Variants in CABP5 observed in about 807,000 individuals in gnomAD.
The protein encoded by CABP5 is calcium-binding protein 5.
CABP5 carries 17 observed loss-of-function variants against 21.9 expected under a neutral mutation model. The ratio of observed to expected loss-of-function variants is 0.78; its 90% CI spans 0.53 to 1.17. CABP5 has a LOEUF of 1.17. Ranked by LOEUF, CABP5 falls within the 50% of genes most tolerant of loss-of-function variation. The pLI, the probability that CABP5 is intolerant of heterozygous loss-of-function variation, is 0.00. For synonymous variants in CABP5, 85 were observed against 79.4 expected (o/e 1.07, Z -0.37); for missense variants, 229 against 228.9 (o/e 1.00, Z 0.00).
Position 48,039,191 on chromosome 19 carries a change from T to C in CABP5, c.348+17A>G, listed in dbSNP as rs1233236014. The C allele has an allele frequency of 6.3e-7, 1 of 1,592,438 alleles. No individual in the cohort carries two copies. Among genetic ancestry groups the C allele is most frequent in the Non-Finnish European group, 8.6e-7 (1 of 1,160,314 alleles). On this transcript the variant is annotated intron_variant, in intron 4 of 5. Coordinates refer to ENST00000293255, the MANE Select transcript of CABP5 (RefSeq NM_019855.5). ...TCTGCCTCTACCATCACCAGCACCA[T>C]GACACTGTTAACTCACCTCCTTGAA...
rs113299803 is a variant in CABP5, at chr19:48,041,117, C to T, written c.95-369G>A. ...AGAAGAATCGCTTGAACCTGGGAGG[C>T]GGAGGTAGCAGTGAGAGGAGATCGT... On this transcript the variant is annotated intron_variant, in intron 2 of 5. Coordinates refer to ENST00000293255, the MANE Select transcript of CABP5 (RefSeq NM_019855.5). Among the ~76,000 whole-genome samples, 1,241 of 151,980 alleles carry T rather than the reference C, an allele frequency of 8.2e-3. 14 individuals carry two copies. The highest frequency in any genetic ancestry group is 0.028 in the African/African-American group (1,168 of 41,434).
At position 48,041,184 on chromosome 19, in the gene CABP5, T is replaced by C. The variant is rs1435776901; in HGVS notation, c.94+389A>G. On this transcript the variant is annotated intron_variant, in intron 2 of 5. Transcript: ENST00000293255. ...CTGGCAACAAGAGCAAAACTCTGTC[T>C]CAAAAAAGAAAAAAAAATTCAAAAA... 3 of 267,428 alleles carry C rather than the reference T, an allele frequency of 1.1e-5. No individual in the cohort carries two copies. In the East Asian group the frequency reaches 3.3e-4, roughly 29 times the overall value. The allele number at this position is 267,428 out of a possible 1,614,324, so 16.6% of individuals were successfully genotyped here. A position where few individuals can be genotyped will look rare whatever the true frequency, so the allele number is the denominator to read the frequency against.
At chr19:48,039,621 T>A (rs115607136) in intron 3 of CABP5, among the ~76,000 whole-genome samples, 50,870 of 150,018 alleles carry the variant, frequency 0.34, 8,857 homozygotes, top group Middle Eastern at 0.37. Flanking sequence ...AGCATACAAT[T>A]TTTTTTTCAG....
Position 48,030,343 on chromosome 19 carries a change from C to T in CABP5, c.*214G>A, listed in dbSNP as rs578195651. The T allele has an allele frequency of 2.0e-4, 102 of 500,820 alleles. 1 individual carries two copies. In the Admixed American group the frequency reaches 3.8e-3, roughly 19 times the overall value. 31.0% of individuals were successfully genotyped at this position (500,820 alleles called of 1,614,324 possible). On this transcript the variant is annotated 3_prime_UTR_variant, in exon 6 of 6. Coordinates refer to ENST00000293255, the MANE Select transcript of CABP5 (RefSeq NM_019855.5). ...CGCTTCCTATTTCCATCCACAGACTCTTCCTTCTTAATCTAGTTCTGCAGA... is the reference window on the plus strand; with the variant it reads ...CGCTTCCTATTTCCATCCACAGACTTTTCCTTCTTAATCTAGTTCTGCAGA...
chr19:48,040,868 C>A, intron 2 of CABP5, 120 bp from the exon 3 acceptor site: 1 of 734,548 alleles, frequency 1.4e-6, no homozygotes, highest in Admixed American at 3.1e-5. Context: ...ACATTAGAAA[C>A]AAAACAAAAC....
intron 4 of CABP5, among the ~76,000 whole-genome samples, 193 bp from the exon 5 acceptor site, chr19:48,034,555 T>A (rs549108447): frequency 6.6e-6 from 1 of 150,524 alleles, no homozygotes; most frequent in South Asian, 2.1e-4. Context: ...TTTTTTTTTT[T>A]TTTTTTATTT....
At position 48,032,618 on chromosome 19, in the gene CABP5, G is replaced by A. The variant is rs995695362; in HGVS notation, c.496+1597C>T. 3.3e-5 allele frequency among the ~76,000 whole-genome samples: 5 copies of A among 150,050 alleles called. No homozygotes were observed. In the East Asian group the frequency reaches 7.8e-4, roughly 23 times the overall value. ...TGCTAGGATTACAGGTGTGAGCCAC[G>A]CGCCTGGCCTTTTTTTCTTTTTTTC... On this transcript the variant is annotated intron_variant, in intron 5 of 5. Transcript: ENST00000293255.
Position 48,040,687 on chromosome 19 carries a change from A to T in CABP5, c.156T>A (p.Asp52Glu). ...KDRDGFISCK[D>E]LGNLMRTMGY... ...CCATCGTCCTCATGAGATTCCCCAG[A>T]TCCTTACAAGAGATGAACCCATCTC... Residue 52 changes from aspartate (D) to glutamate (E), a missense_variant, in exon 3 of 6, where the codon GAT becomes GAA. By Grantham distance (45) the Asp-to-Glu change is conservative. Coordinates refer to ENST00000293255, the MANE Select transcript of CABP5 (RefSeq NM_019855.5). 6.2e-7 allele frequency: 1 copy of T among 1,613,916 alleles called. No individual in the cohort carries two copies. Among genetic ancestry groups the T allele is most frequent in the Non-Finnish European group, 8.5e-7 (1 of 1,179,940 alleles).
In CABP5 at chr19:48,029,841, C is replaced by CAGAGAG. The variant is rs1967317713; in HGVS notation, c.*715_*716insCTCTCT. The CAGAGAG allele has an allele frequency of 1.3e-5, 1 of 78,982 alleles. No individual in the cohort carries two copies. The highest frequency in any genetic ancestry group is 1.2e-4 in the Admixed American group (1 of 8,534). 4.9% of individuals were successfully genotyped at this position (78,982 alleles called of 1,614,324 possible). Reference sequence around the variant, plus strand: ...GAGAGAGAGAGAGAGAGAGAGAAACCAGACAGTGCTTCCAGGAAATCAGGA... The same window carrying CAGAGAG: ...GAGAGAGAGAGAGAGAGAGAGAAACCAGAGAGAGACAGTGCTTCCAGGAAATCAGGA... On this transcript the variant is annotated 3_prime_UTR_variant, in exon 6 of 6. Coordinates refer to ENST00000293255, the MANE Select transcript of CABP5 (RefSeq NM_019855.5).
intron 5 of CABP5, among the ~76,000 whole-genome samples, chr19:48,032,302 A>G (rs1454209187): frequency 2.0e-5 from 3 of 151,268 alleles, no homozygotes; most frequent in Non-Finnish European, 4.4e-5. Context: ...CAGATGATGG[A>G]TAGACTTGCA....
At chr19:48,036,150 G>T (rs561249905) in intron 4 of CABP5, among the ~76,000 whole-genome samples, 116 of 152,218 alleles carry the variant, frequency 7.6e-4, no homozygotes, top group African/African-American at 2.6e-3. Flanking sequence ...TTAAGGGTGT[G>T]CAGGGCAGAG....
chr19:48,041,444 T>G (rs532159373), intron 2 of CABP5, 129 bp downstream of exon 2: 42 of 901,820 alleles, frequency 4.7e-5, no homozygotes, highest in South Asian at 2.4e-4. Context: ...AAAATTACAG[T>G]TGAGTGGGAA....
chr19:48,032,178 T>G (rs1967347671), intron 5 of CABP5, among the ~76,000 whole-genome samples: 1 of 151,822 alleles, frequency 6.6e-6, no homozygotes, highest in Non-Finnish European at 1.5e-5. Flanking sequence ...GGACGGAGCA[T>G]CTGATGCCTA....
chr19:48,029,686 C>G lies in CABP5; in HGVS notation c.*871G>C, dbSNP rs1413973945. On this transcript the variant is annotated 3_prime_UTR_variant, in exon 6 of 6. Transcript: ENST00000293255. The stretch of plus-strand genomic sequence containing the variant: ...GACATTTTTTCAGGGGATTAATTCC[C>G]CAAGGATCAGCTAGCTCTAAACCTT... Among the ~76,000 whole-genome samples the G allele has an allele frequency of 1.3e-5, 2 of 152,000 alleles. No individual in the cohort carries two copies. The highest frequency in any genetic ancestry group is 2.9e-5 in the Non-Finnish European group (2 of 68,012).
intron 4 of CABP5, among the ~76,000 whole-genome samples, chr19:48,036,096 C>T (rs756511338): frequency 3.3e-5 from 5 of 151,966 alleles, no homozygotes; most frequent in South Asian, 2.1e-4. Context: ...GTTCACTCCC[C>T]GATGTTTTGG....
In CABP5 at chr19:48,031,884, T is replaced by C. The variant is rs1181290234; in HGVS notation, c.497-1302A>G. On this transcript the variant is annotated intron_variant, in intron 5 of 5. Transcript: ENST00000293255. ...CCTAATCCTGGCTAGATCTAGCAGG[T>C]GTCCAACCAGCCTCTACTGTGTTTC... Among the ~76,000 whole-genome samples, 3 of 146,500 alleles carry C rather than the reference T, an allele frequency of 2.0e-5. No homozygotes were observed. In the East Asian group the frequency reaches 6.1e-4, roughly 30 times the overall value.
At chr19:48,032,152 G>T (rs1313640474) in intron 5 of CABP5, among the ~76,000 whole-genome samples, 1 of 152,004 alleles carries the variant, frequency 6.6e-6, no homozygotes, top group Non-Finnish European at 1.5e-5. Flanking sequence ...GGATGAGACT[G>T]AAAGATGTGG....
In CABP5 at chr19:48,030,506, G is replaced by T. The variant is rs372632915; in HGVS notation, c.*51C>A. The T allele has an allele frequency of 2.8e-5, 44 of 1,579,606 alleles. No individual in the cohort carries two copies. The highest frequency in any genetic ancestry group is 4.5e-5 in the East Asian group (2 of 44,502). On this transcript the variant is annotated 3_prime_UTR_variant, in exon 6 of 6. Transcript: ENST00000293255. ...TTTTGGGCTTTGGTTCTCCACAAGCGCTTGCTCCATGTTGACCAGGTGGAG... is the reference window on the plus strand; with the variant it reads ...TTTTGGGCTTTGGTTCTCCACAAGCTCTTGCTCCATGTTGACCAGGTGGAG...
At position 48,033,600 on chromosome 19, in the gene CABP5, C is replaced by T. The variant is rs79148728; in HGVS notation, c.496+615G>A. On this transcript the variant is annotated intron_variant, in intron 5 of 5. Transcript: ENST00000293255. ...TGGGAGGTACCTTCCAGGAACATAACTAGGAGTTAGCCAGGGGAGAGGGGA... is the reference window on the plus strand; with the variant it reads ...TGGGAGGTACCTTCCAGGAACATAATTAGGAGTTAGCCAGGGGAGAGGGGA... Among the ~76,000 whole-genome samples the T allele has an allele frequency of 3.9e-3, 599 of 152,212 alleles. 4 individuals are homozygous for T. The highest frequency in any genetic ancestry group is 0.014 in the African/African-American group (581 of 41,526).
Sources: gnomAD v4.1 joint callset for allele counts (sites outside exome capture counted in the v4.1 genomes callset) on GRCh38, gnomAD v4.1.1 for gene constraint, MANE v1.5 for transcripts, NCBI Gene and HGNC (gene_info 2026-07-23, HGNC 2026-07-21) for gene names.